ZFYVE28: variants seen among roughly 807,000 people sequenced by gnomAD.
ZFYVE28 encodes lateral signaling target protein 2 homolog.
ZFYVE28 carries 40 observed loss-of-function variants against 82.1 expected under a neutral mutation model. That is an observed-to-expected ratio of 0.49 (90% confidence interval 0.38 to 0.63). The LOEUF is 0.63. Among genes scored for constraint, ZFYVE28 ranks in the 30% least tolerant of loss-of-function variants. The pLI, the probability that ZFYVE28 is intolerant of heterozygous loss-of-function variation, is 0.00. For synonymous variants in ZFYVE28, 612 were observed against 546.1 expected (o/e 1.12, Z -1.68); for missense variants, 1,321 against 1,242.1 (o/e 1.06, Z -0.96).
intron 8 of ZFYVE28, among the ~76,000 whole-genome samples, chr4:2,276,201 C>T (rs1488567179): frequency 2.0e-5 from 3 of 148,760 alleles, no homozygotes; most frequent in Non-Finnish European, 2.9e-5. Context: ...TCCCTCATGG[C>T]AATGTGCTAA....
At chr4:2,364,402 C>T in intron 1 of ZFYVE28, 1 of 978,814 alleles carries the variant, frequency 1.0e-6, no homozygotes, top group Non-Finnish European at 1.2e-6. Flanking sequence ...AGGGCACAGC[C>T]CCCCACCTCT....
At chr4:2,288,613 T>TG (rs1322036367) in intron 8 of ZFYVE28, among the ~76,000 whole-genome samples, 1 of 152,252 alleles carries the variant, frequency 6.6e-6, no homozygotes, top group Non-Finnish European at 1.5e-5. Flanking sequence ...TGAAGGCCCT[T>TG]GGGCATCACC....
At chr4:2,314,672 G>A (rs1470877067) in intron 7 of ZFYVE28, among the ~76,000 whole-genome samples, 1 of 151,980 alleles carries the variant, frequency 6.6e-6, no homozygotes, top group South Asian at 2.1e-4. Flanking sequence ...TCTGCTACTT[G>A]TATATCATGA....
rs1420388465 is a variant in ZFYVE28, at chr4:2,335,445, G to A, written c.701+260C>T. Among the ~76,000 whole-genome samples the A allele has an allele frequency of 6.6e-6, 1 of 152,162 alleles. No homozygotes were observed. Among genetic ancestry groups the A allele is most frequent in the African/African-American group, 2.4e-5 (1 of 41,430 alleles). On this transcript the variant is annotated intron_variant, in intron 6 of 12. Coordinates refer to ENST00000290974, the MANE Select transcript of ZFYVE28 (RefSeq NM_020972.3). The surrounding 1 kb of genome is among the most constrained non-coding windows in gnomAD (Gnocchi z 5.8). The stretch of plus-strand genomic sequence containing the variant: ...GTGGATCTCACCTGTCCAGTGGCAG[G>A]TGGCAGGTGTTAGGCCACCTTGCCC...
chr4:2,407,625 C>A (rs936349392), intron 1 of ZFYVE28, among the ~76,000 whole-genome samples: 6 of 152,188 alleles, frequency 3.9e-5, no homozygotes, highest in African/African-American at 1.4e-4. Flanking sequence ...GAAGCTCCCA[C>A]AATTGCACAG....
At chr4:2,415,966 A>G (rs528008149) in intron 1 of ZFYVE28, among the ~76,000 whole-genome samples, 1 of 152,366 alleles carries the variant, frequency 6.6e-6, no homozygotes, top group African/African-American at 2.4e-5. Context: ...TCTCAAGTCC[A>G]GAGCTCTGGA....
At chr4:2,310,417 A>G (rs1717315549) in intron 7 of ZFYVE28, among the ~76,000 whole-genome samples, 1 of 152,164 alleles carries the variant, frequency 6.6e-6, no homozygotes, top group Non-Finnish European at 1.5e-5. Context: ...GGGTATTTGC[A>G]TCTATGTTCA....
At position 2,270,842 on chromosome 4, in the gene ZFYVE28, G is replaced by A. The variant is rs151000552; in HGVS notation, c.2547C>T (p.Arg849=). Residue 849 remains arginine, a synonymous_variant, in exon 13 of 13, where the codon CGC becomes CGT. Coordinates refer to ENST00000290974, the MANE Select transcript of ZFYVE28 (RefSeq NM_020972.3). Reference sequence around the variant, plus strand: ...GCAGCGGTGCTGAGTGCGAGGAGCAGCGCGAGCAGAAGATCTGGAATGGGG... The same window carrying A: ...GCAGCGGTGCTGAGTGCGAGGAGCAACGCGAGCAGAAGATCTGGAATGGGG... ...CRSCGKIFCS[R]CSSHSAPLPR... is the part of the protein sequence containing the mutation. 1.2e-5 allele frequency: 20 copies of A among 1,612,804 alleles called. No homozygotes were observed. The highest frequency in any genetic ancestry group is 1.7e-5 in the Non-Finnish European group (20 of 1,179,930).
chr4:2,304,781 T>C lies in ZFYVE28; in HGVS notation c.1559A>G (p.Asn520Ser), dbSNP rs753238074. 3 of 1,612,576 alleles carry C rather than the reference T, an allele frequency of 1.9e-6. No individual in the cohort carries two copies. The highest frequency in any genetic ancestry group is 3.3e-5 in the Admixed American group (2 of 60,006). ...GTCCAGGGAAGTGGGCGATTTGGGGTTGAAGATGACCGTGGCTGAGAGCTT... is the reference window on the plus strand; with the variant it reads ...GTCCAGGGAAGTGGGCGATTTGGGGCTGAAGATGACCGTGGCTGAGAGCTT... ...GMKLSATVIF[N>S]PKSPTSLDSA... Residue 520 changes from asparagine (N) to serine (S), a missense_variant, in exon 8 of 13, where the codon AAC becomes AGC. By Grantham distance (46) the Asn-to-Ser change is conservative (BLOSUM62 1). Coordinates refer to ENST00000290974, the MANE Select transcript of ZFYVE28 (RefSeq NM_020972.3).
At chr4:2,303,446 T>C (rs1355768150) in intron 8 of ZFYVE28, among the ~76,000 whole-genome samples, 2 of 152,170 alleles carry the variant, frequency 1.3e-5, no homozygotes, top group Non-Finnish European at 2.9e-5. Context: ...TGGTCTCCAG[T>C]TGAACCTCGT....
At chr4:2,395,029 G>A (rs1730281570) in intron 1 of ZFYVE28, among the ~76,000 whole-genome samples, 1 of 152,152 alleles carries the variant, frequency 6.6e-6, no homozygotes, top group South Asian at 2.1e-4. Flanking sequence ...GTGTAGTAAG[G>A]TGGCCTACAG....
intron 6 of ZFYVE28, among the ~76,000 whole-genome samples, chr4:2,323,560 T>G (rs1022924928): frequency 6.6e-6 from 1 of 152,184 alleles, no homozygotes. Flanking sequence ...TTTATTATTA[T>G]ACTTTAAGTT....
rs1219744359 is a variant in ZFYVE28, at chr4:2,271,425, A to AACAGCAGCGTC, written c.2429-22_2429-12dup. The AACAGCAGCGTC allele has an allele frequency of 6.2e-7, 1 of 1,611,756 alleles. No individual in the cohort carries two copies. Among genetic ancestry groups the AACAGCAGCGTC allele is most frequent in the Admixed American group, 1.7e-5 (1 of 59,900 alleles). The stretch of plus-strand genomic sequence containing the variant: ...CCCACTCCGGGGGGTCTGTCACAAC[A>AACAGCAGCGTC]ACAGCAGCGTCACATCAGCGACGGC... On this transcript the variant is annotated splice_polypyrimidine_tract_variant and intron_variant, in intron 11 of 12. Coordinates refer to ENST00000290974, the MANE Select transcript of ZFYVE28 (RefSeq NM_020972.3).
At chr4:2,297,790 T>C (rs772658019) in intron 8 of ZFYVE28, among the ~76,000 whole-genome samples, 7 of 146,510 alleles carry the variant, frequency 4.8e-5, no homozygotes, top group Non-Finnish European at 7.5e-5. Flanking sequence ...CGGGCTGTGC[T>C]GGGAGGAACG....
At chr4:2,337,536 GT>G (rs1400519512) in intron 4 of ZFYVE28, 40 bp from the exon 5 acceptor site, 11 of 1,542,694 alleles carry the variant, frequency 7.1e-6, no homozygotes, top group Non-Finnish European at 8.8e-6. Context: ...CACCTGGGCT[GT>G]GGCGGGGCCC....
chr4:2,316,321 G>C (rs192300839), intron 7 of ZFYVE28: 15 of 152,364 alleles, frequency 9.8e-5, no homozygotes, highest in African/African-American at 2.6e-4. Flanking sequence ...GACCTGGGCA[G>C]GTTCACCACT....
intron 7 of ZFYVE28, 60 bp from the exon 8 acceptor site, chr4:2,305,596 C>T (rs952361043): frequency 6.2e-7 from 1 of 1,600,116 alleles, no homozygotes; most frequent in African/African-American, 1.3e-5. Context: ...GCCTCCTTGG[C>T]CAGGAGTGGA....
At position 2,339,789 on chromosome 4, in the gene ZFYVE28, G is replaced by C; in HGVS notation, c.319-134C>G. On this transcript the variant is annotated intron_variant, in intron 3 of 12. Transcript: ENST00000290974. The surrounding 1 kb of genome is among the most constrained non-coding windows in gnomAD (Gnocchi z 5.0). ...ACAGCACAGGCCAGCTCGTGTTCCC[G>C]GTCCCCGCAGGAGGTTTTTCTTACA... The C allele has an allele frequency of 1.3e-6, 1 of 750,100 alleles. No individual in the cohort carries two copies. Among genetic ancestry groups the C allele is most frequent in the Non-Finnish European group, 2.1e-6 (1 of 473,106 alleles). 46.5% of individuals were successfully genotyped at this position (750,100 alleles called of 1,614,324 possible).
intron 1 of ZFYVE28, among the ~76,000 whole-genome samples, chr4:2,415,478 A>ACACACACACACT (rs1732945234): frequency 1.3e-5 from 2 of 151,712 alleles, no homozygotes; most frequent in Admixed American, 1.3e-4. Context: ...ACACACACAC[A>ACACACACACACT]CTTAAAAATT....
Sources: gnomAD v4.1 joint callset for allele counts (sites outside exome capture counted in the v4.1 genomes callset) on GRCh38, gnomAD v4.1.1 for gene constraint, Gnocchi (gnomAD v3.1) non-coding constraint, MANE v1.5 for transcripts, NCBI Gene and HGNC (gene_info 2026-07-23, HGNC 2026-07-21) for gene names.